The following ICE1 variants were observed in gnomAD, a reference collection of about 807,000 sequenced individuals.
ICE1 encodes little elongation complex subunit 1.
Under a neutral mutation model 192.7 loss-of-function variants are expected in ICE1, and 64 were observed. The observed-to-expected ratio is 0.33, with a 90% CI of 0.27 to 0.41. ICE1 has a LOEUF of 0.41. Among genes scored for constraint, ICE1 ranks in the 10% least tolerant of loss-of-function variants. The probability of loss-of-function intolerance (pLI) is 1.00; values close to 1 mark genes in which losing one functional copy is unlikely to be tolerated. For synonymous variants in ICE1, 1,010 were observed against 984.5 expected (o/e 1.03, Z -0.49); for missense variants, 2,708 against 2,696.0 (o/e 1.00, Z -0.10).
Position 5,489,683 on chromosome 5 carries a change from C to T in ICE1, c.*353C>T, listed in dbSNP as rs990790594. On this transcript the variant is annotated 3_prime_UTR_variant, in exon 19 of 19. Transcript: ENST00000296564. Reference sequence around the variant, plus strand: ...TGAGTGGCATTTTATAATGAACTTACCAATATAAAAACATGATTTGGTTCC... The same window carrying T: ...TGAGTGGCATTTTATAATGAACTTATCAATATAAAAACATGATTTGGTTCC... 1 of 163,160 alleles carries T rather than the reference C, an allele frequency of 6.1e-6. No individual in the cohort carries two copies. The highest frequency in any genetic ancestry group is 1.7e-4 in the East Asian group (1 of 5,800). The allele number at this position is 163,160 out of a possible 1,614,324, so 10.1% of individuals were successfully genotyped here. A position where few individuals can be genotyped will look rare whatever the true frequency, so the allele number is the denominator to read the frequency against.
chr5:5,461,841 A>G lies in ICE1; in HGVS notation c.2507A>G (p.Asp836Gly), dbSNP rs1738793354. Residue 836 changes from aspartate (D) to glycine (G), a missense_variant, in exon 13 of 19, where the codon GAT (aspartate) becomes GGT (glycine). This residue lies in a region of ICE1 where 2,366 missense variants were observed against 2,276.6 expected (regional missense o/e 1.04). Coordinates refer to ENST00000296564, the MANE Select transcript of ICE1 (RefSeq NM_015325.3). The part of the protein sequence containing the change: ...LQNRGPTPKP[D>G]LLRENNNPVE... ...AATAGAGGACCAACACCCAAGCCTG[A>G]TCTTCTTAGAGAAAATAACAATCCT... 6 of 1,613,914 alleles carry G rather than the reference A, an allele frequency of 3.7e-6. No homozygotes were observed. Among genetic ancestry groups the G allele is most frequent in the Non-Finnish European group, 5.1e-6 (6 of 1,179,906 alleles).
At position 5,447,731 on chromosome 5, in the gene ICE1, A is replaced by G. The variant is rs766239191; in HGVS notation, c.518A>G (p.Asp173Gly). 20 of 1,583,330 alleles carry G rather than the reference A, an allele frequency of 1.3e-5. No individual in the cohort carries two copies. Among genetic ancestry groups the G allele is most frequent in the Non-Finnish European group, 1.7e-5 (20 of 1,162,414 alleles). The change falls in exon 9 of 19, where the codon GAC becomes GGC. Residue 173 changes from aspartate (D) to glycine (G), a missense_variant. Transcript: ENST00000296564. ...KEFKKTQERL[D>G]EFSKQKNEKE... is the part of the protein sequence containing the mutation. Reference sequence around the variant, plus strand: ...ATTTTGTTTTCACAGGAAAGGCTTGACGAATTTTCTAAACAGAAAAATGAA... The same window carrying G: ...ATTTTGTTTTCACAGGAAAGGCTTGGCGAATTTTCTAAACAGAAAAATGAA...
In ICE1 at chr5:5,461,957, T is replaced by C. The variant is rs1330587956; in HGVS notation, c.2623T>C (p.Leu875=). 4 of 1,613,870 alleles carry C rather than the reference T, an allele frequency of 2.5e-6. No individual in the cohort carries two copies. Among genetic ancestry groups the C allele is most frequent in the Non-Finnish European group, 3.4e-6 (4 of 1,179,874 alleles). Residue 875 remains leucine (L), a synonymous_variant, in exon 13 of 19, where the codon TTG becomes CTG. Transcript: ENST00000296564. ...ACCTGAAAAGGTTCAGAGTGCCAAA[T>C]TGGAACACTTGAGGCCACATAGGGT... ...TRPEKVQSAK[L]EHLRPHRVEP... is the part of the protein sequence containing the mutation.
chr5:5,427,892 A>G (rs868198947), intron 1 of ICE1, among the ~76,000 whole-genome samples: 1 of 152,308 alleles, frequency 6.6e-6, no homozygotes, highest in Middle Eastern at 3.4e-3. Context: ...ATATTATGGT[A>G]AGGGACATAT....
Position 5,441,167 on chromosome 5 carries a change from C to T in ICE1, c.253C>T (p.Leu85=). ...VEEMLQKISP[L]QKCQEELGSL... ...AGAGATGCTTCAAAAAATTTCTCCTCTACAGAAATGTCAGGAAGAACTGGG... is the reference window on the plus strand; with the variant it reads ...AGAGATGCTTCAAAAAATTTCTCCTTTACAGAAATGTCAGGAAGAACTGGG... Residue 85 remains leucine, a synonymous_variant, in exon 5 of 19, where the codon CTA becomes TTA. Coordinates refer to ENST00000296564, the MANE Select transcript of ICE1 (RefSeq NM_015325.3). The T allele has an allele frequency of 6.4e-7, 1 of 1,565,770 alleles. No individual in the cohort carries two copies. Among genetic ancestry groups the T allele is most frequent in the African/African-American group, 1.4e-5 (1 of 73,894 alleles).
chr5:5,464,349 T>C lies in ICE1; in HGVS notation c.5015T>C (p.Phe1672Ser), dbSNP rs1181400391. ...PASPVGQVSP[F>S]RETPVPPAMS... ...TCTCCTGTTGGCCAGGTTTCTCCCT[T>C]CCGTGAAACCCCAGTGCCTCCTGCC... The change falls in exon 13 of 19, where the codon TTC (phenylalanine) becomes TCC (serine). Residue 1672 changes from phenylalanine to serine, a missense_variant. By Grantham distance (155) the Phe-to-Ser change is radical. Transcript: ENST00000296564. This position sits in a 1 kb window ranked among gnomAD's most constrained non-coding sequence, Gnocchi z 4.0. The C allele has an allele frequency of 1.9e-6, 3 of 1,613,676 alleles. No individual in the cohort carries two copies. Among genetic ancestry groups the C allele is most frequent in the African/African-American group, 1.3e-5 (1 of 74,960 alleles).
intron 4 of ICE1, 92 bp from the exon 5 acceptor site, chr5:5,441,020 A>T: frequency 2.6e-6 from 2 of 761,970 alleles, no homozygotes; most frequent in Non-Finnish European, 4.2e-6. Context: ...TTTTTGTTCC[A>T]AGTTAGCAAT....
intron 1 of ICE1, among the ~76,000 whole-genome samples, chr5:5,435,167 T>G (rs1737831957): frequency 6.6e-6 from 1 of 152,178 alleles, no homozygotes; most frequent in African/African-American, 2.4e-5. Flanking sequence ...CAAAAATATA[T>G]TTTATATATG....
intron 1 of ICE1, among the ~76,000 whole-genome samples, chr5:5,424,210 G>C (rs1370899346): frequency 6.6e-6 from 1 of 152,148 alleles, no homozygotes; most frequent in Non-Finnish European, 1.5e-5. Context: ...AGGCCATGCC[G>C]AGAAACTTGG....
chr5:5,464,175 CAG>C lies in ICE1; in HGVS notation c.4843_4844del (p.Asp1615LeufsTer4). The C allele has an allele frequency of 1.2e-6, 2 of 1,613,726 alleles. No homozygotes were observed. The highest frequency in any genetic ancestry group is 1.7e-6 in the Non-Finnish European group (2 of 1,179,870). ...GCAAATGCTGATACATCCACTCCTA[CAG>C]ATTGTTCTCCTGACACACTGAGTAA... On this transcript the variant is annotated frameshift_variant, in exon 13 of 19. Transcript: ENST00000296564. LOFTEE classifies it high-confidence loss of function. This position sits in a 1 kb window ranked among gnomAD's most constrained non-coding sequence, Gnocchi z 4.0.
intron 10 of ICE1, among the ~76,000 whole-genome samples, chr5:5,448,582 A>G (rs1399889771): frequency 1.3e-5 from 2 of 152,174 alleles, no homozygotes; most frequent in Admixed American, 6.5e-5. Flanking sequence ...TTTCTGCTCT[A>G]TCTCACAGGT....
In ICE1 at chr5:5,457,509, C is replaced by T. The variant is rs766239916; in HGVS notation, c.869C>T (p.Thr290Ile). 2 of 1,613,826 alleles carry T rather than the reference C, an allele frequency of 1.2e-6. No homozygotes were observed. Among genetic ancestry groups the T allele is most frequent in the African/African-American group, 1.3e-5 (1 of 74,924 alleles). ...GTGGAAAAACAGAGCTCCAGTGGAA[C>T]AAATTGTAGTTCTGACCATGTTTTT... is the stretch of plus-strand genomic sequence containing the variant. ...QNVEKQSSSG[T>I]NCSSDHVFNE... Residue 290 changes from threonine (T) to isoleucine (I), a missense_variant, in exon 12 of 19, where the codon ACA becomes ATA. By Grantham distance (89) the Thr-to-Ile change is moderately conservative. This residue lies in a region of ICE1 where 2,366 missense variants were observed against 2,276.6 expected (regional missense o/e 1.04). Transcript: ENST00000296564.
At chr5:5,442,029 A>G (rs548166620) in intron 5 of ICE1, among the ~76,000 whole-genome samples, 1 of 152,216 alleles carries the variant, frequency 6.6e-6, no homozygotes, top group Non-Finnish European at 1.5e-5. Context: ...CACTTCAGAT[A>G]TGAAAATACG....
At chr5:5,489,094 A>G (rs1412363264) in intron 18 of ICE1, 55 bp from the exon 19 acceptor site, 1 of 1,520,334 alleles carries the variant, frequency 6.6e-7, no homozygotes, top group Non-Finnish European at 9.0e-7. Flanking sequence ...CATCACTAAA[A>G]TTTTGAATAA....
At chr5:5,476,367 C>G (rs778965104) in intron 17 of ICE1, among the ~76,000 whole-genome samples, 7 of 151,958 alleles carry the variant, frequency 4.6e-5, no homozygotes, top group African/African-American at 1.7e-4. Context: ...ATATATAAGT[C>G]GCTATAAATT....
At chr5:5,454,855 A>T (rs1294951509) in intron 11 of ICE1, among the ~76,000 whole-genome samples, 1 of 152,318 alleles carries the variant, frequency 6.6e-6, no homozygotes, top group East Asian at 1.9e-4. Flanking sequence ...ACCTTCAAAA[A>T]AAAACGAGAA....
rs1395429879 is a variant in ICE1, at chr5:5,464,021, C to G, written c.4687C>G (p.Gln1563Glu). ...KNRSKISNKD[Q>E]SNKPVKTSAS... ...TCGATCAAAGATTTCAAACAAAGATCAGTCAAACAAACCAGTAAAAACTTC... is the reference window on the plus strand; with the variant it reads ...TCGATCAAAGATTTCAAACAAAGATGAGTCAAACAAACCAGTAAAAACTTC... The change falls in exon 13 of 19, where the codon CAG (glutamine) becomes GAG (glutamate). Residue 1563 changes from glutamine to glutamate, a missense_variant. Around this residue, in one of 2 missense-constraint regions of ICE1, gnomAD observed 2,366 missense variants for 2,276.6 expected, o/e 1.04. Transcript: ENST00000296564. This position sits in a 1 kb window ranked among gnomAD's most constrained non-coding sequence, Gnocchi z 4.0. The G allele has an allele frequency of 1.2e-6, 2 of 1,613,602 alleles. No individual in the cohort carries two copies. Among genetic ancestry groups the G allele is most frequent in the Admixed American group, 1.7e-5 (1 of 59,976 alleles).
chr5:5,437,037 T>C, intron 2 of ICE1, 43 bp from the exon 3 acceptor site: 1 of 1,227,434 alleles, frequency 8.1e-7, no homozygotes, highest in Non-Finnish European at 1.2e-6. Context: ...TAGTATATTT[T>C]CTAAATTAAA....
Position 5,463,698 on chromosome 5 carries a change from G to C in ICE1, c.4364G>C (p.Gly1455Ala). ...GACATCCCTATTTCTCAGGATCAAG[G>C]AGAGCTGGAAGCTGGTTGCATCCCA... is the stretch of plus-strand genomic sequence containing the variant. The part of the protein sequence containing the change: ...PGDIPISQDQ[G>A]ELEAGCIPVT... The change falls in exon 13 of 19, where the codon GGA becomes GCA. Residue 1455 changes from glycine to alanine, a missense_variant. Gly to Ala is a moderately conservative substitution (Grantham distance 60). Transcript: ENST00000296564. 6.2e-7 allele frequency: 1 copy of C among 1,613,880 alleles called. No individual in the cohort carries two copies. The highest frequency in any genetic ancestry group is 2.2e-5 in the East Asian group (1 of 44,864).
Sources: allele counts gnomAD v4.1 joint callset (sites outside exome capture counted in the v4.1 genomes callset), GRCh38; gene constraint gnomAD v4.1.1; regional missense constraint gnomAD v4.1.1; non-coding constraint Gnocchi (gnomAD v3.1); transcripts MANE v1.5; gene names NCBI Gene and HGNC (gene_info 2026-07-23, HGNC 2026-07-21).